Variants in DNAH14 observed in about 807,000 individuals in gnomAD.
DNAH14 encodes the protein axonemal beta dynein heavy chain 14.
A neutral mutation model predicts 520.9 loss-of-function variants in DNAH14; 478 were observed. The observed-to-expected ratio is 0.92, with a 90% CI of 0.85 to 0.99. DNAH14 has a LOEUF of 0.99. DNAH14 is among the 50% of genes least tolerant of loss of function. The pLI is 0.00. For synonymous variants in DNAH14, 1,581 were observed against 1,757.2 expected (o/e 0.90, Z 2.51); for missense variants, 4,831 against 5,234.5 (o/e 0.92, Z 2.38).
intron 35 of DNAH14, among the ~76,000 whole-genome samples, chr1:225,167,551 C>T (rs931366432): frequency 6.6e-6 from 1 of 152,090 alleles, no homozygotes; most frequent in Non-Finnish European, 1.5e-5. Flanking sequence ...AAATTGAAAA[C>T]CTGTCTTAAT....
At chr1:225,128,505 G>C (rs550533225) in intron 27 of DNAH14, among the ~76,000 whole-genome samples, 1 of 152,166 alleles carries the variant, frequency 6.6e-6, no homozygotes, top group East Asian at 1.9e-4. Context: ...TGCAAGGCTG[G>C]TTCAATATAC....
rs984240058 is a variant in DNAH14 at position 225,346,248 on chromosome 1, G to A, written c.10965G>A (p.Arg3655=). ...KSKEQEHSFK[R]EKVSPKEVHE... ...AAGAACAAGAACATAGTTTTAAAAGGGAGAAAGTGTCTCCAAAAGAAGTTC... is the reference window on the plus strand; with the variant it reads ...AAGAACAAGAACATAGTTTTAAAAGAGAGAAAGTGTCTCCAAAAGAAGTTC... Residue 3655 remains arginine, a synonymous_variant, in exon 70 of 86, where the codon AGG becomes AGA. Coordinates refer to ENST00000682510, the MANE Select transcript of DNAH14 (RefSeq NM_001367479.1). 6.4e-7 allele frequency: 1 copy of A among 1,551,278 alleles called. No individual in the cohort carries two copies. Among genetic ancestry groups the A allele is most frequent in the African/African-American group, 1.4e-5 (1 of 73,008 alleles).
At position 225,272,276 on chromosome 1, in the gene DNAH14, G is replaced by C. The variant is rs56862979; in HGVS notation, c.7839+203G>C. On this transcript the variant is annotated intron_variant, in intron 51 of 85. Coordinates refer to ENST00000682510, the MANE Select transcript of DNAH14 (RefSeq NM_001367479.1). The stretch of plus-strand genomic sequence containing the variant: ...AATAATTCAATGATGAAATCCCTAA[G>C]AGTGTTAGAATATTGGCTAAGATCC... 5.0e-3 allele frequency among the ~76,000 whole-genome samples: 764 copies of C among 152,308 alleles called. 6 individuals carry two copies. Among genetic ancestry groups the C allele is most frequent in the African/African-American group, 0.017 (721 of 41,560 alleles).
chr1:225,228,445 A>T (rs1324556670), intron 41 of DNAH14, among the ~76,000 whole-genome samples: 1 of 151,656 alleles, frequency 6.6e-6, no homozygotes, highest in Non-Finnish European at 1.5e-5. Context: ...AGTTGGGATG[A>T]GGTGAAACAA....
At chr1:225,217,405 G>A (rs2089510029) in intron 41 of DNAH14, among the ~76,000 whole-genome samples, 1 of 152,164 alleles carries the variant, frequency 6.6e-6, no homozygotes, top group South Asian at 2.1e-4. Context: ...TCCATGCTGG[G>A]AGAAGCACTA....
intron 31 of DNAH14, among the ~76,000 whole-genome samples, chr1:225,150,257 G>A (rs901750734): frequency 6.6e-6 from 1 of 152,164 alleles, no homozygotes; most frequent in African/African-American, 2.4e-5. Flanking sequence ...GTTGATCGTG[G>A]TAGATAAGGT....
intron 1 of DNAH14, among the ~76,000 whole-genome samples, chr1:224,950,822 T>A (rs993373271): frequency 3.3e-5 from 5 of 152,218 alleles, no homozygotes; most frequent in Non-Finnish European, 4.4e-5. Context: ...TTAAGTGAGA[T>A]GTTATCTTCC....
Position 225,186,740 on chromosome 1 carries a change from A to T in DNAH14, c.5670+1315A>T, listed in dbSNP as rs570938852. 2.6e-5 allele frequency among the ~76,000 whole-genome samples: 4 copies of T among 151,938 alleles called. No homozygotes were observed. The South Asian group carries it at 8.3e-4, about 31-fold the overall frequency. ...TTTCACATAATGTTATATGCTGAGA[A>T]TTAACCTTATGACATTAAACATTTC... On this transcript the variant is annotated intron_variant, in intron 37 of 85. Coordinates refer to ENST00000682510, the MANE Select transcript of DNAH14 (RefSeq NM_001367479.1).
intron 75 of DNAH14, 124 bp from the exon 76 acceptor site, chr1:225,364,668 C>T (rs3933058): frequency 0.38 from 225,945 of 600,138 alleles, 45,113 homozygotes; most frequent in East Asian, 0.64. Flanking sequence ...TCTGATAATA[C>T]AGTAAGATCT....
intron 5 of DNAH14, 130 bp from the exon 6 acceptor site, chr1:224,967,301 A>G (rs567283163): frequency 5.9e-6 from 3 of 505,288 alleles, no homozygotes; most frequent in African/African-American, 2.0e-5. Flanking sequence ...TTCTCCAAAT[A>G]TAGTATTCTT....
chr1:225,153,278 A>C (rs1009009307), intron 33 of DNAH14, among the ~76,000 whole-genome samples: 1 of 152,146 alleles, frequency 6.6e-6, no homozygotes, highest in Non-Finnish European at 1.5e-5. Context: ...CTGAGTTTCT[A>C]ATTCTGTACT....
At chr1:225,198,225 T>A (rs12073637) in intron 38 of DNAH14, among the ~76,000 whole-genome samples, 5,594 of 151,702 alleles carry the variant, frequency 0.037, 359 homozygotes, top group African/African-American at 0.13. Context: ...ATGCCAATTT[T>A]TTTTTTTTTT....
chr1:225,193,888 C>G (rs1165266936), intron 38 of DNAH14, among the ~76,000 whole-genome samples: 1 of 152,038 alleles, frequency 6.6e-6, no homozygotes, highest in Non-Finnish European at 1.5e-5. Flanking sequence ...ATTAGTAGCA[C>G]TTCTATACAC....
At chr1:225,375,213 T>TG (rs1365646353) in intron 78 of DNAH14, among the ~76,000 whole-genome samples, 1 of 152,194 alleles carries the variant, frequency 6.6e-6, no homozygotes, top group Admixed American at 6.5e-5. Flanking sequence ...AAAATAACCA[T>TG]GGGGAATAGA....
intron 49 of DNAH14, among the ~76,000 whole-genome samples, chr1:225,267,581 T>C (rs1334867246): frequency 6.6e-6 from 1 of 152,058 alleles, no homozygotes; most frequent in Admixed American, 6.6e-5. Flanking sequence ...TGAGCCACCA[T>C]GCCCGGCCAG....
chr1:224,967,264 T>A (rs2061235529), intron 5 of DNAH14, among the ~76,000 whole-genome samples, 167 bp from the exon 6 acceptor site: 1 of 152,104 alleles, frequency 6.6e-6, no homozygotes, highest in Non-Finnish European at 1.5e-5. Context: ...TTGTTGAACA[T>A]TGTTTAGACA....
At position 225,145,338 on chromosome 1, in the gene DNAH14, C is replaced by T; in HGVS notation, c.4753C>T (p.His1585Tyr). The stretch of plus-strand genomic sequence containing the variant: ...TTTTGTTTCCCAGTCCTTAGGCAAA[C>T]ATTGTGTGGTCTTCAACTGTTTTGA... ...VKDLAKSLGK[H>Y]CVVFNCFEDL... Residue 1585 changes from histidine (H) to tyrosine (Y), a missense_variant, in exon 30 of 86, where the codon CAT becomes TAT. Physicochemically the swap from His to Tyr is moderately conservative, Grantham distance 83. Coordinates refer to ENST00000682510, the MANE Select transcript of DNAH14 (RefSeq NM_001367479.1). 7 of 1,545,662 alleles carry T rather than the reference C, an allele frequency of 4.5e-6. No homozygotes were observed. The highest frequency in any genetic ancestry group is 6.1e-6 in the Non-Finnish European group (7 of 1,144,474).
At chr1:225,306,811 A>G (rs2094253912) in intron 58 of DNAH14, among the ~76,000 whole-genome samples, 1 of 151,976 alleles carries the variant, frequency 6.6e-6, no homozygotes, top group African/African-American at 2.4e-5. Context: ...ATCAACATCC[A>G]TAACTGCTTA....
chr1:225,185,083 G>A (rs1057026109), intron 36 of DNAH14, among the ~76,000 whole-genome samples: 7 of 151,610 alleles, frequency 4.6e-5, no homozygotes, highest in Admixed American at 2.0e-4. Flanking sequence ...AACAACTTCA[G>A]CAAAGTTTCA....
Sources: allele counts gnomAD v4.1 joint callset (sites outside exome capture counted in the v4.1 genomes callset), GRCh38; gene constraint gnomAD v4.1.1; transcripts MANE v1.5; gene names NCBI Gene and HGNC (gene_info 2026-07-23, HGNC 2026-07-21).